The following MYO9A variants were observed in gnomAD, a reference collection of about 807,000 sequenced individuals.
The protein encoded by MYO9A is myosin IXA, also known as unconventional myosin-IXa.
MYO9A carries 103 observed loss-of-function variants against 293.3 expected under a neutral mutation model. The observed-to-expected ratio is 0.35, with a 90% CI of 0.30 to 0.41. The LOEUF (loss-of-function observed/expected upper bound fraction) is 0.41, where lower values mean the gene tolerates loss of function less well. MYO9A is among the 10% of genes least tolerant of loss of function. MYO9A has a pLI of 1.00. For missense variants in MYO9A, 2,685 were observed against 3,033.0 expected (o/e 0.89, Z 2.69); for synonymous variants, 1,001 against 1,035.7 (o/e 0.97, Z 0.64).
At position 71,981,641 on chromosome 15, in the gene MYO9A, G is replaced by GTCTCTC. The variant is rs142432028; in HGVS notation, c.1723-3355_1723-3350dup. ...TTATTTATATCCCTCTCTCTGTCTT[G>GTCTCTC]TCTCTCTCTCTCTCTCTCTCTCTCT... is the stretch of plus-strand genomic sequence containing the variant. On this transcript the variant is annotated intron_variant, in intron 11 of 41. Coordinates refer to ENST00000356056, the MANE Select transcript of MYO9A (RefSeq NM_006901.4). Among the ~76,000 whole-genome samples the GTCTCTC allele has an allele frequency of 9.0e-3, 1,305 of 144,486 alleles. 9 individuals carry two copies. The highest frequency in any genetic ancestry group is 0.018 in the Middle Eastern group (5 of 284). The allele number at this position is 144,486 out of a possible 152,430, so 94.8% of individuals were successfully genotyped here. A position where few individuals can be genotyped will look rare whatever the true frequency, so the allele number is the denominator to read the frequency against.
intron 6 of MYO9A, 112 bp downstream of exon 6, chr15:72,018,926 CT>C: frequency 1.3e-6 from 1 of 798,748 alleles, no homozygotes; most frequent in Non-Finnish European, 2.2e-6. Flanking sequence ...ATCTTCCTTC[CT>C]AGGATTCTTT....
At chr15:72,021,758 C>T (rs932811505) in intron 4 of MYO9A, among the ~76,000 whole-genome samples, 5 of 152,168 alleles carry the variant, frequency 3.3e-5, no homozygotes, top group African/African-American at 1.2e-4. Context: ...GCTTTGAAAA[C>T]CTCCAGTAAA....
At chr15:71,915,428 T>A (rs76175485) in intron 19 of MYO9A, among the ~76,000 whole-genome samples, 1 of 141,170 alleles carries the variant, frequency 7.1e-6, no homozygotes, top group African/African-American at 2.6e-5. Context: ...TTTTCATTTC[T>A]TTTTTTTTTT....
chr15:72,019,287 T>C (rs537910259), intron 5 of MYO9A, among the ~76,000 whole-genome samples, 192 bp from the exon 6 acceptor site: 4 of 152,326 alleles, frequency 2.6e-5, no homozygotes, highest in East Asian at 1.9e-4. Flanking sequence ...CGAACGCATA[T>C]ATACCATGGG....
intron 2 of MYO9A, among the ~76,000 whole-genome samples, chr15:72,044,214 C>T (rs2078314308): frequency 1.3e-5 from 2 of 152,150 alleles, no homozygotes; most frequent in African/African-American, 4.8e-5. Context: ...CAAGACCAGC[C>T]TGACCAACAT....
intron 1 of MYO9A, among the ~76,000 whole-genome samples, chr15:72,093,203 G>A (rs984944288): frequency 2.6e-5 from 4 of 152,054 alleles, no homozygotes; most frequent in South Asian, 4.2e-4. Flanking sequence ...TGAAAGGGTC[G>A]TATATATGAG....
intron 12 of MYO9A, among the ~76,000 whole-genome samples, chr15:71,968,433 T>A (rs2075931382): frequency 6.6e-6 from 1 of 152,198 alleles, no homozygotes; most frequent in Admixed American, 6.5e-5. Flanking sequence ...TCTGAACTAC[T>A]ATAAAACCCA....
chr15:71,898,656 C>T lies in MYO9A; in HGVS notation c.3847G>A (p.Ala1283Thr), dbSNP rs757416151. 2 of 1,614,044 alleles carry T rather than the reference C, an allele frequency of 1.2e-6. No individual in the cohort carries two copies. The highest frequency in any genetic ancestry group is 1.7e-6 in the Non-Finnish European group (2 of 1,179,994). Residue 1283 changes from alanine (A) to threonine (T), a missense_variant, in exon 25 of 42, where the codon GCT becomes ACT. Ala to Thr is a moderately conservative substitution (Grantham distance 58). Around this residue, in one of 10 missense-constraint regions of MYO9A, gnomAD observed 1,434 missense variants for 1,497.7 expected, o/e 0.96. Transcript: ENST00000356056. ...TTCAGCAATTCTAAGCTAAATATAG[C>T]TTGCTCTAGTTCTCTCATTCTCCTA... is the stretch of plus-strand genomic sequence containing the variant. ...ESRRMRELEQ[A>T]IFSLELLKVR...
chr15:71,886,757 G>A (rs984810244), intron 27 of MYO9A, among the ~76,000 whole-genome samples: 1 of 152,090 alleles, frequency 6.6e-6, no homozygotes, highest in South Asian at 2.1e-4. Context: ...AAAGTCCTTC[G>A]TAGATTTTGT....
At chr15:71,899,426 T>C (rs989712753) in intron 24 of MYO9A, among the ~76,000 whole-genome samples, 12 of 152,200 alleles carry the variant, frequency 7.9e-5, no homozygotes, top group African/African-American at 2.9e-4. Flanking sequence ...TTTTATAAGA[T>C]TCAGCCTAAT....
rs146453106 is a variant in MYO9A at position 71,989,531 on chromosome 15, T to A, written c.1722+1572A>T. 8.5e-5 allele frequency among the ~76,000 whole-genome samples: 13 copies of A among 152,322 alleles called. No individual in the cohort carries two copies. In the East Asian group the frequency reaches 2.3e-3, roughly 27 times the overall value. The stretch of plus-strand genomic sequence containing the variant: ...AGTTTTGTATCAGCCATGGGTTGAA[T>A]GCTTGGATGTAAAACCCAAAGATAA... On this transcript the variant is annotated intron_variant, in intron 11 of 41. Coordinates refer to ENST00000356056, the MANE Select transcript of MYO9A (RefSeq NM_006901.4).
chr15:71,956,330 A>AAAAAAAAAAAAATATATATATATATAT (rs10642655), intron 14 of MYO9A, among the ~76,000 whole-genome samples: 1 of 75,578 alleles, frequency 1.3e-5, no homozygotes, highest in African/African-American at 6.0e-5. Context: ...AAAAAAAAAA[A>AAAAAAAAAAAAATATATATATATATAT]ATATATATAT....
At chr15:71,914,417 T>C (rs962692882) in intron 19 of MYO9A, among the ~76,000 whole-genome samples, 1 of 152,200 alleles carries the variant, frequency 6.6e-6, no homozygotes, top group African/African-American at 2.4e-5. Context: ...TTCATGAAAA[T>C]AAGCATTCAA....
intron 14 of MYO9A, among the ~76,000 whole-genome samples, chr15:71,957,342 A>T (rs2059227867): frequency 1.3e-5 from 2 of 152,138 alleles, no homozygotes; most frequent in African/African-American, 4.8e-5. Flanking sequence ...TTGTTTTGAC[A>T]ATTTTTGCCA....
rs760394255 is a variant in MYO9A at position 72,050,951 on chromosome 15, CAT to C, written c.-71-4319_-71-4318del. On this transcript the variant is annotated intron_variant, in intron 1 of 41. Coordinates refer to ENST00000356056, the MANE Select transcript of MYO9A (RefSeq NM_006901.4). ...TTTCTAGTTCTTGAAAGTGTACTCA[CAT>C]AGTTATTTTTCTTGTAGTCTTCCTG... 2.4e-4 allele frequency among the ~76,000 whole-genome samples: 37 copies of C among 152,332 alleles called. 1 individual carries two copies. The highest frequency in any genetic ancestry group is 6.3e-4 in the African/African-American group (26 of 41,586).
chr15:71,912,007 T>C (rs1347951397), intron 19 of MYO9A, among the ~76,000 whole-genome samples: 1 of 152,322 alleles, frequency 6.6e-6, no homozygotes, highest in African/African-American at 2.4e-5. Context: ...GGTTCCATTT[T>C]AGTTCAGCTA....
intron 1 of MYO9A, among the ~76,000 whole-genome samples, chr15:72,072,072 CAAA>C (rs34367978): frequency 3.0e-5 from 2 of 66,958 alleles, no homozygotes; most frequent in African/African-American, 5.0e-5. Context: ...GAGCCCATGT[CAAA>C]AAAAAAAAAA....
intron 11 of MYO9A, among the ~76,000 whole-genome samples, chr15:71,978,777 C>CTTT (rs11414149): frequency 1.4e-5 from 2 of 146,634 alleles, no homozygotes; most frequent in Non-Finnish European, 3.0e-5. Flanking sequence ...ATCTTTAGGA[C>CTTT]TTTTTTTTTT....
rs1416644425 is a variant in MYO9A at position 71,822,641 on chromosome 15, TA to T, written c.*3938del. On this transcript the variant is annotated 3_prime_UTR_variant, in exon 42 of 42. Transcript: ENST00000356056. ...TACTTATAAATTACTTAAAATCCATTAAAATAATATAATACGAATCTGTAGT... is the reference window on the plus strand; with the variant it reads ...TACTTATAAATTACTTAAAATCCATTAAATAATATAATACGAATCTGTAGT... The T allele has an allele frequency of 6.6e-6, 1 of 152,130 alleles. No individual in the cohort carries two copies. Among genetic ancestry groups the T allele is most frequent in the Non-Finnish European group, 1.5e-5 (1 of 68,030 alleles). 9.4% of individuals were successfully genotyped at this position (152,130 alleles called of 1,614,324 possible). A position where few individuals can be genotyped will look rare whatever the true frequency, so the allele number is the denominator to read the frequency against.
Sources: gnomAD v4.1 joint callset for allele counts (sites outside exome capture counted in the v4.1 genomes callset) on GRCh38, gnomAD v4.1.1 for gene constraint, gnomAD v4.1.1 regional missense constraint, MANE v1.5 for transcripts, NCBI Gene and HGNC (gene_info 2026-07-23, HGNC 2026-07-21) for gene names.